Variants in STX17 observed in about 807,000 individuals in gnomAD.
STX17 encodes syntaxin-17.
In STX17, 29 loss-of-function variants were observed where a neutral mutation model predicts 35.9. The ratio of observed to expected loss-of-function variants is 0.81; its 90% CI spans 0.60 to 1.10. The LOEUF is 1.10. Ranked by LOEUF, STX17 falls within the 50% of genes least tolerant of loss-of-function variation. STX17 has a pLI of 0.00. For missense variants in STX17, 312 were observed against 352.3 expected (o/e 0.89, Z 0.92); for synonymous variants, 92 against 118.3 (o/e 0.78, Z 1.44).
At chr9:99,943,633 GA>G (rs1377707450) in intron 3 of STX17, among the ~76,000 whole-genome samples, 1 of 152,128 alleles carries the variant, frequency 6.6e-6, no homozygotes, top group Non-Finnish European at 1.5e-5. Flanking sequence ...GAATAAAAGT[GA>G]CATCTTTGCA....
chr9:99,952,262 A>G (rs1408850533), intron 4 of STX17, among the ~76,000 whole-genome samples: 1 of 152,172 alleles, frequency 6.6e-6, no homozygotes, highest in Non-Finnish European at 1.5e-5. Flanking sequence ...TTATGCAGCC[A>G]AAAAACACAT....
At chr9:99,952,475 T>TTCCTCAAGGATCTAGA (rs1468680114) in intron 4 of STX17, among the ~76,000 whole-genome samples, 1 of 152,182 alleles carries the variant, frequency 6.6e-6, no homozygotes, top group East Asian at 1.9e-4. Context: ...AGTGTGGCGA[T>TTCCTCAAGGATCTAGA]TCCTCAAGGA....
At chr9:99,906,747 C>G (rs1464074479) in intron 1 of STX17, 41 bp downstream of exon 1, 1 of 152,212 alleles carries the variant, frequency 6.6e-6, no homozygotes, top group Non-Finnish European at 1.5e-5. Context: ...GGCGTCGGGC[C>G]CTCACAGGCT....
At chr9:99,953,966 G>C (rs1829657699) in intron 4 of STX17, 1 of 151,986 alleles carries the variant, frequency 6.6e-6, no homozygotes, top group African/African-American at 2.4e-5. Flanking sequence ...AGTTTACCCA[G>C]TTTGCTGGCA....
At chr9:99,959,545 G>A (rs971891472) in intron 4 of STX17, among the ~76,000 whole-genome samples, 16 of 142,360 alleles carry the variant, frequency 1.1e-4, no homozygotes, top group East Asian at 4.1e-4. Flanking sequence ...CTGCAACCTC[G>A]ACCTCCCAGG....
intron 3 of STX17, among the ~76,000 whole-genome samples, chr9:99,932,721 A>G (rs1250413845): frequency 6.6e-6 from 1 of 152,202 alleles, no homozygotes; most frequent in Non-Finnish European, 1.5e-5. Context: ...CCATTAGAGT[A>G]GTAAGATTGA....
intron 4 of STX17, among the ~76,000 whole-genome samples, chr9:99,955,113 T>C (rs1829682487): frequency 6.6e-6 from 1 of 152,116 alleles, no homozygotes; most frequent in South Asian, 2.1e-4. Context: ...ACAGAGTGAA[T>C]CAGTGCTTCT....
intron 6 of STX17, among the ~76,000 whole-genome samples, chr9:99,963,852 CTTTT>C (rs1829869223): frequency 1.3e-5 from 2 of 151,914 alleles, no homozygotes; most frequent in Admixed American, 6.6e-5. Flanking sequence ...GTTTCTGGGC[CTTTT>C]TGTGTATATG....
intron 3 of STX17, among the ~76,000 whole-genome samples, chr9:99,949,623 CA>C (rs1336773974): frequency 6.6e-6 from 1 of 151,706 alleles, no homozygotes; most frequent in African/African-American, 2.4e-5. Flanking sequence ...TCAGAGTATG[CA>C]CTTGAAAAAT....
intron 1 of STX17, among the ~76,000 whole-genome samples, chr9:99,908,833 C>T (rs929621773): frequency 2.6e-5 from 4 of 152,200 alleles, no homozygotes; most frequent in Non-Finnish European, 4.4e-5. Context: ...AGACACCAGT[C>T]TATACATATG....
At chr9:99,935,117 T>A (rs1829203386) in intron 3 of STX17, among the ~76,000 whole-genome samples, 1 of 151,778 alleles carries the variant, frequency 6.6e-6, no homozygotes, top group Non-Finnish European at 1.5e-5. Context: ...GATCACGAGG[T>A]CAGGAGATCG....
intron 3 of STX17, among the ~76,000 whole-genome samples, chr9:99,934,777 A>G (rs1301909019): frequency 6.6e-6 from 1 of 152,224 alleles, no homozygotes; most frequent in Non-Finnish European, 1.5e-5. Context: ...GAATCCTTAA[A>G]TCAATATTTT....
intron 3 of STX17, among the ~76,000 whole-genome samples, chr9:99,945,237 A>G (rs528035406): frequency 4.6e-5 from 7 of 151,492 alleles, no homozygotes; most frequent in Non-Finnish European, 5.9e-5. Flanking sequence ...ATTTGTTTCA[A>G]TTTTTCTTTA....
Position 99,968,420 on chromosome 9 carries a change from T to A in STX17, c.670-14T>A. ...CAACTCAGTTTCTAAATTGAATTTT[T>A]TTTTTTTTTACAGGCTGCAAAATAC... On this transcript the variant is annotated splice_polypyrimidine_tract_variant and intron_variant, in intron 7 of 7. Transcript: ENST00000259400. 9 of 1,521,296 alleles carry A rather than the reference T, an allele frequency of 5.9e-6. No homozygotes were observed. Among genetic ancestry groups the A allele is most frequent in the Non-Finnish European group, 7.9e-6 (9 of 1,138,054 alleles). The allele number at this position is 1,521,296 out of a possible 1,614,324, so 94.2% of individuals were successfully genotyped here. A position where few individuals can be genotyped will look rare whatever the true frequency, so the allele number is the denominator to read the frequency against.
chr9:99,935,759 G>A (rs1829221670), intron 3 of STX17, among the ~76,000 whole-genome samples: 11 of 152,194 alleles, frequency 7.2e-5, no homozygotes, highest in Admixed American at 7.2e-4. Context: ...GTTTGTGGAA[G>A]GCTTCTGATG....
Position 99,972,369 on chromosome 9 carries a change from T to TA in STX17, c.*3697dup, listed in dbSNP as rs1830033058. 1.3e-5 allele frequency among the ~76,000 whole-genome samples: 2 copies of TA among 152,220 alleles called. No individual in the cohort carries two copies. The highest frequency in any genetic ancestry group is 2.9e-5 in the Non-Finnish European group (2 of 68,028). On this transcript the variant is annotated 3_prime_UTR_variant, in exon 8 of 8. Coordinates refer to ENST00000259400, the MANE Select transcript of STX17 (RefSeq NM_017919.3). Reference sequence around the variant, plus strand: ...TGATACCCTTGGGAAATCATGTACTTACTGTAGTGATGCTAGTATTAATAT... The same window carrying TA: ...TGATACCCTTGGGAAATCATGTACTTAACTGTAGTGATGCTAGTATTAATAT...
At chr9:99,927,943 TTATAA>T (rs1284958407) in intron 2 of STX17, among the ~76,000 whole-genome samples, 1 of 152,214 alleles carries the variant, frequency 6.6e-6, no homozygotes, top group East Asian at 1.9e-4. Flanking sequence ...TGCTCTACTC[TTATAA>T]TGTATGTTTT....
chr9:99,950,835 A>C (rs1829576521), intron 3 of STX17, among the ~76,000 whole-genome samples: 1 of 151,974 alleles, frequency 6.6e-6, no homozygotes, highest in Non-Finnish European at 1.5e-5. Context: ...AACCACATTT[A>C]ATGAAGGAAA....
chr9:99,906,872 C>T (rs1439594874), intron 1 of STX17, 166 bp downstream of exon 1: 1 of 152,284 alleles, frequency 6.6e-6, no homozygotes, highest in Admixed American at 6.5e-5. Flanking sequence ...AGTGGCGGAG[C>T]CTCGCTTGGT....
Sources: gnomAD v4.1 joint callset for allele counts (sites outside exome capture counted in the v4.1 genomes callset) on GRCh38, gnomAD v4.1.1 for gene constraint, MANE v1.5 for transcripts, NCBI Gene and HGNC (gene_info 2026-07-23, HGNC 2026-07-21) for gene names.